The following NEGR1 variants were observed in gnomAD, a reference collection of about 807,000 sequenced individuals.
NEGR1 encodes IgLON family member 4.
Under a neutral mutation model 40.9 loss-of-function variants are expected in NEGR1, and 10 were observed. The observed-to-expected ratio is 0.24, with a 90% CI of 0.15 to 0.42. The LOEUF (loss-of-function observed/expected upper bound fraction) is 0.42, where lower values mean the gene tolerates loss of function less well. Among genes scored for constraint, NEGR1 ranks in the 10% least tolerant of loss-of-function variants. The pLI, the probability that NEGR1 is intolerant of heterozygous loss-of-function variation, is 1.00. For missense variants in NEGR1, 352 were observed against 438.9 expected (o/e 0.80, Z 1.77); for synonymous variants, 185 against 166.8 (o/e 1.11, Z -0.84).
At chr1:71,740,677 G>A (rs946887489) in intron 3 of NEGR1, among the ~76,000 whole-genome samples, 6 of 152,078 alleles carry the variant, frequency 3.9e-5, no homozygotes, top group African/African-American at 1.4e-4. Context: ...TCAAGGGACT[G>A]TATCATTGGT....
intron 3 of NEGR1, among the ~76,000 whole-genome samples, chr1:71,726,474 G>A (rs192318550): frequency 1.5e-4 from 23 of 152,148 alleles, no homozygotes; most frequent in Admixed American, 1.2e-3. Flanking sequence ...CCGAAGTTAG[G>A]AGCTGGTGGT....
chr1:71,580,491 C>T (rs1048726941), intron 6 of NEGR1, among the ~76,000 whole-genome samples: 1 of 151,874 alleles, frequency 6.6e-6, no homozygotes, highest in Non-Finnish European at 1.5e-5. Flanking sequence ...AGAAATGTGG[C>T]ATGCATGTGA....
At chr1:71,523,180 GGTT>G (rs1326865433) in intron 6 of NEGR1, among the ~76,000 whole-genome samples, 3 of 151,924 alleles carry the variant, frequency 2.0e-5, no homozygotes. Flanking sequence ...TGGGTTGTTG[GGTT>G]GTTGTGAGGA....
intron 1 of NEGR1, among the ~76,000 whole-genome samples, chr1:72,018,046 C>G (rs945662252): frequency 6.6e-6 from 1 of 151,948 alleles, no homozygotes; most frequent in Non-Finnish European, 1.5e-5. Context: ...TTTTATCTGG[C>G]TCATTGAAGG....
chr1:72,110,092 A>G (rs1488986307), intron 1 of NEGR1, among the ~76,000 whole-genome samples: 2 of 151,532 alleles, frequency 1.3e-5, no homozygotes, highest in Non-Finnish European at 3.0e-5. Context: ...ACTGTAAAAC[A>G]TCAGGAGATT....
intron 2 of NEGR1, among the ~76,000 whole-genome samples, chr1:71,793,670 T>C (rs963317783): frequency 6.6e-6 from 1 of 152,086 alleles, no homozygotes; most frequent in African/African-American, 2.4e-5. Flanking sequence ...AATTGCAACA[T>C]TGGATTCATC....
At chr1:71,670,311 G>C (rs942792398) in intron 4 of NEGR1, among the ~76,000 whole-genome samples, 2 of 151,914 alleles carry the variant, frequency 1.3e-5, no homozygotes. Flanking sequence ...TTGCTGCCTT[G>C]TTAATGTTCT....
intron 1 of NEGR1, among the ~76,000 whole-genome samples, chr1:72,178,855 G>C (rs770862839): frequency 7.3e-5 from 11 of 151,560 alleles, no homozygotes; most frequent in Non-Finnish European, 1.0e-4. Context: ...GTCTTCTTTT[G>C]AGAAATGTCT....
At chr1:71,745,381 T>A (rs1655350050) in intron 3 of NEGR1, among the ~76,000 whole-genome samples, 1 of 152,162 alleles carries the variant, frequency 6.6e-6, no homozygotes, top group Non-Finnish European at 1.5e-5. Flanking sequence ...CCCTGAGTTT[T>A]ATAGTTTGTT....
chr1:72,279,002 T>C (rs543339409), intron 1 of NEGR1, among the ~76,000 whole-genome samples: 6 of 152,184 alleles, frequency 3.9e-5, no homozygotes, highest in Admixed American at 3.9e-4. Context: ...ATAATTCAAG[T>C]GAATCATTCA....
intron 1 of NEGR1, among the ~76,000 whole-genome samples, chr1:72,235,107 T>C (rs115154467): frequency 0.016 from 2,362 of 151,706 alleles, 46 homozygotes; most frequent in African/African-American, 0.054. Flanking sequence ...GGAGGGTGAG[T>C]TTCCTCTTGG....
intron 1 of NEGR1, among the ~76,000 whole-genome samples, chr1:72,086,571 G>A (rs1648229077): frequency 6.6e-6 from 1 of 152,186 alleles, no homozygotes; most frequent in Non-Finnish European, 1.5e-5. Flanking sequence ...CAGATAACCT[G>A]TTAGGCTTAC....
intron 2 of NEGR1, among the ~76,000 whole-genome samples, chr1:71,921,733 T>G (rs961962045): frequency 3.0e-4 from 39 of 129,060 alleles, no homozygotes; most frequent in African/African-American, 9.4e-4. Flanking sequence ...TATATATATA[T>G]AGAATACCAT....
intron 5 of NEGR1, among the ~76,000 whole-genome samples, chr1:71,596,721 T>G (rs1649724567): frequency 6.6e-6 from 1 of 152,250 alleles, no homozygotes; most frequent in South Asian, 2.1e-4. Context: ...AGACTATTGT[T>G]CACTATCTGT....
At chr1:71,570,169 G>T (rs1413939952) in intron 6 of NEGR1, among the ~76,000 whole-genome samples, 1 of 152,164 alleles carries the variant, frequency 6.6e-6, no homozygotes, top group Non-Finnish European at 1.5e-5. Context: ...AATTCTAGGA[G>T]GGAATCATTT....
chr1:71,752,139 A>T (rs1655590131), intron 3 of NEGR1, among the ~76,000 whole-genome samples: 1 of 152,222 alleles, frequency 6.6e-6, no homozygotes, highest in Non-Finnish European at 1.5e-5. Flanking sequence ...TATTCAGTGT[A>T]ATACTGAGAA....
chr1:71,774,918 T>C (rs1414652449), intron 3 of NEGR1, among the ~76,000 whole-genome samples: 9 of 152,166 alleles, frequency 5.9e-5, no homozygotes, highest in Admixed American at 5.2e-4. Context: ...TGGGAGGATG[T>C]GCACTATAGC....
rs974262789 is a variant in NEGR1 at position 71,398,160 on chromosome 1, G to A, written c.*9286C>T. The A allele has an allele frequency of 3.3e-5, 5 of 152,282 alleles. No individual in the cohort carries two copies. The highest frequency in any genetic ancestry group is 2.6e-4 in the Admixed American group (4 of 15,288). 9.4% of individuals were successfully genotyped at this position (152,282 alleles called of 1,614,324 possible). On this transcript the variant is annotated 3_prime_UTR_variant, in exon 7 of 7. Transcript: ENST00000357731. ...GGAGAACCTCTGCTAGGGCAGTGCA[G>A]AAGGAAAATGTGGAGTGAGCCCCAC... is the stretch of plus-strand genomic sequence containing the variant.
chr1:71,758,581 A>T (rs1043157038), intron 3 of NEGR1, among the ~76,000 whole-genome samples: 5 of 152,176 alleles, frequency 3.3e-5, no homozygotes, highest in Non-Finnish European at 5.9e-5. Flanking sequence ...TGGTCAAGTT[A>T]ACCAAGAAAA....
Sources: allele counts gnomAD v4.1 joint callset (sites outside exome capture counted in the v4.1 genomes callset), GRCh38; gene constraint gnomAD v4.1.1; transcripts MANE v1.5; gene names NCBI Gene and HGNC (gene_info 2026-07-23, HGNC 2026-07-21).